Variants in IQCJ observed in about 807,000 individuals in gnomAD.
The protein encoded by IQCJ is IQ domain-containing protein J.
Under a neutral mutation model 11.0 loss-of-function variants are expected in IQCJ, and 9 were observed. The ratio of observed to expected loss-of-function variants is 0.82; its 90% confidence interval spans 0.49 to 1.43. The LOEUF is 1.43. Among genes scored for constraint, IQCJ ranks in the 40% most tolerant of loss-of-function variants. IQCJ has a pLI of 0.00. For missense variants in IQCJ, 146 were observed against 133.2 expected (o/e 1.10, Z -0.47); for synonymous variants, 55 against 51.3 (o/e 1.07, Z -0.31).
intron 1 of IQCJ, among the ~76,000 whole-genome samples, chr3:159,160,709 A>G (rs1301200703): frequency 1.8e-5 from 2 of 113,568 alleles, no homozygotes; most frequent in African/African-American, 3.4e-5. Flanking sequence ...CTGTCCCCAG[A>G]GTGTGATGTT....
intron 1 of IQCJ, among the ~76,000 whole-genome samples, chr3:159,084,359 T>A (rs1716557761): frequency 6.6e-6 from 1 of 152,224 alleles, no homozygotes; most frequent in African/African-American, 2.4e-5. Flanking sequence ...AGGACAGTTT[T>A]AGAGTGGAAG....
intron 1 of IQCJ, among the ~76,000 whole-genome samples, chr3:159,209,794 C>T (rs547581115): frequency 6.6e-6 from 1 of 152,302 alleles, no homozygotes; most frequent in African/African-American, 2.4e-5. Context: ...TGTCAGGGAA[C>T]TCTCCCATCT....
At chr3:159,245,753 T>G in intron 1 of IQCJ, 90 bp from the exon 2 acceptor site, 1 of 1,107,936 alleles carries the variant, frequency 9.0e-7, no homozygotes. Context: ...AATGTTGTGT[T>G]GTATCAATTT....
At chr3:159,118,163 G>A (rs1269078965) in intron 1 of IQCJ, among the ~76,000 whole-genome samples, 1 of 152,070 alleles carries the variant, frequency 6.6e-6, no homozygotes, top group East Asian at 1.9e-4. Flanking sequence ...GAATTTTAAG[G>A]TACTAAACTC....
At chr3:159,106,636 C>T (rs1294113549) in intron 1 of IQCJ, among the ~76,000 whole-genome samples, 1 of 152,140 alleles carries the variant, frequency 6.6e-6, no homozygotes, top group Non-Finnish European at 1.5e-5. Context: ...TGTAATTCTC[C>T]AGACACTAAC....
chr3:159,151,644 GA>G (rs1577043454), intron 1 of IQCJ, among the ~76,000 whole-genome samples: 2 of 152,280 alleles, frequency 1.3e-5, no homozygotes, highest in East Asian at 3.9e-4. Context: ...AGTCAGACTA[GA>G]TTTTTTTTGA....
In IQCJ at chr3:159,220,085, CAT is replaced by C. The variant is rs1487481140; in HGVS notation, c.10-25757_10-25756del. ...CTTTCTATATCTCAGATTTCTATGACATGTGCTCCCTTAAGAGTCTTTGATAA... is the reference window on the plus strand; with the variant it reads ...CTTTCTATATCTCAGATTTCTATGACGTGCTCCCTTAAGAGTCTTTGATAA... On this transcript the variant is annotated intron_variant, in intron 1 of 3. Coordinates refer to ENST00000397832, the MANE Select transcript of IQCJ (RefSeq NM_001042706.3). Among the ~76,000 whole-genome samples the C allele has an allele frequency of 3.9e-5, 6 of 152,312 alleles. No individual in the cohort carries two copies. The South Asian group carries it at 6.2e-4, about 16-fold the overall frequency.
At chr3:159,169,249 CTT>C (rs111879662) in intron 1 of IQCJ, among the ~76,000 whole-genome samples, 5 of 84,260 alleles carry the variant, frequency 5.9e-5, no homozygotes, top group African/African-American at 1.9e-4. Context: ...AGCCTATGTT[CTT>C]TTTTTTTTCC....
intron 2 of IQCJ, among the ~76,000 whole-genome samples, chr3:159,247,418 A>G (rs905497763): frequency 6.6e-6 from 1 of 152,304 alleles, no homozygotes; most frequent in African/African-American, 2.4e-5. Context: ...TCTATGTGAC[A>G]TGGGATCCTT....
chr3:159,241,486 A>C (rs1726921930), intron 1 of IQCJ, among the ~76,000 whole-genome samples: 2 of 152,220 alleles, frequency 1.3e-5, no homozygotes, highest in Non-Finnish European at 1.5e-5. Flanking sequence ...GCTGGTTTCA[A>C]GCTCCAGTTT....
intron 1 of IQCJ, among the ~76,000 whole-genome samples, chr3:159,179,994 G>C (rs1723003976): frequency 6.6e-6 from 1 of 152,174 alleles, no homozygotes; most frequent in African/African-American, 2.4e-5. Flanking sequence ...AGCCACAAGA[G>C]GAGGGTGAGC....
At chr3:159,254,867 G>A (rs1367326960) in intron 3 of IQCJ, among the ~76,000 whole-genome samples, 3 of 152,122 alleles carry the variant, frequency 2.0e-5, no homozygotes, top group African/African-American at 7.2e-5. Flanking sequence ...TATGTTTTGG[G>A]ACTCTGAGGG....
chr3:159,168,745 T>A (rs1390276103), intron 1 of IQCJ, among the ~76,000 whole-genome samples: 1 of 152,126 alleles, frequency 6.6e-6, no homozygotes, highest in Non-Finnish European at 1.5e-5. Context: ...TTTATCTTCA[T>A]GAAATATTCC....
At chr3:159,092,699 A>AC (rs1553775246) in intron 1 of IQCJ, among the ~76,000 whole-genome samples, 3 of 141,600 alleles carry the variant, frequency 2.1e-5, no homozygotes, top group Non-Finnish European at 4.5e-5. Context: ...CTCCATCACA[A>AC]ACACACACAC....
At chr3:159,245,692 G>T (rs916777319) in intron 1 of IQCJ, 151 bp from the exon 2 acceptor site, 26 of 543,804 alleles carry the variant, frequency 4.8e-5, no homozygotes, top group Non-Finnish European at 2.0e-5. Flanking sequence ...TCGATCTCCT[G>T]ACCTCGTGAT....
intron 1 of IQCJ, among the ~76,000 whole-genome samples, chr3:159,205,368 T>C (rs1182616211): frequency 2.0e-5 from 3 of 152,216 alleles, no homozygotes; most frequent in Non-Finnish European, 4.4e-5. Flanking sequence ...TTTCCCAGCA[T>C]CAATGTGTGA....
At chr3:159,156,832 A>T (rs1721548931) in intron 1 of IQCJ, among the ~76,000 whole-genome samples, 1 of 152,202 alleles carries the variant, frequency 6.6e-6, no homozygotes, top group African/African-American at 2.4e-5. Flanking sequence ...AAAAGGCCTT[A>T]AAGATATTTG....
intron 1 of IQCJ, among the ~76,000 whole-genome samples, chr3:159,080,794 C>T (rs890657238): frequency 6.6e-6 from 1 of 152,114 alleles, no homozygotes; most frequent in Admixed American, 6.6e-5. Flanking sequence ...TGAACCTGGG[C>T]TCCCTGCTTC....
chr3:159,219,018 C>T (rs1290157349), intron 1 of IQCJ, among the ~76,000 whole-genome samples: 2 of 152,220 alleles, frequency 1.3e-5, no homozygotes, highest in East Asian at 1.9e-4. Context: ...CTCTGCCTTC[C>T]TCTTAGAAGG....
Sources: allele counts gnomAD v4.1 joint callset (sites outside exome capture counted in the v4.1 genomes callset), GRCh38; gene constraint gnomAD v4.1.1; transcripts MANE v1.5; gene names NCBI Gene and HGNC (gene_info 2026-07-23, HGNC 2026-07-21).